The following OSBPL10 variants were observed in gnomAD, a reference collection of about 807,000 sequenced individuals.
OSBPL10 encodes the protein oxysterol-binding protein-related protein 10.
A neutral mutation model predicts 81.7 loss-of-function variants in OSBPL10; 49 were observed. That is an observed-to-expected ratio of 0.60 (90% CI 0.48 to 0.76). OSBPL10 has a LOEUF of 0.76. Ranked by LOEUF, OSBPL10 falls within the 30% of genes least tolerant of loss-of-function variation. The pLI, the probability that OSBPL10 is intolerant of heterozygous loss-of-function variation, is 0.00. For synonymous variants in OSBPL10, 419 were observed against 383.6 expected (o/e 1.09, Z -1.08); for missense variants, 923 against 987.8 (o/e 0.93, Z 0.88).
chr3:31,755,186 A>C (rs1402257898), intron 4 of OSBPL10, among the ~76,000 whole-genome samples: 1 of 152,184 alleles, frequency 6.6e-6, no homozygotes, highest in African/African-American at 2.4e-5. Context: ...CCAGCCTTCC[A>C]GGATGGGAGC....
At chr3:31,680,158 C>T (rs1298352969) in intron 8 of OSBPL10, among the ~76,000 whole-genome samples, 5 of 152,134 alleles carry the variant, frequency 3.3e-5, no homozygotes, top group African/African-American at 7.2e-5. Context: ...GAGGAAATAC[C>T]TCTCGTTCCT....
At chr3:31,981,337 G>A (rs1032047879), upstream of OSBPL10, 7 of 1,216,846 alleles carry the variant, frequency 5.8e-6, no homozygotes, top group Non-Finnish European at 7.2e-6. This position sits in a 1 kb window ranked among gnomAD's most constrained non-coding sequence, Gnocchi z 4.5. Context: ...AGGAGGAGGC[G>A]AAGGAGAGCT....
At chr3:31,914,731 A>G (rs1429175702) in intron 1 of OSBPL10, among the ~76,000 whole-genome samples, 1 of 152,220 alleles carries the variant, frequency 6.6e-6, no homozygotes, top group Non-Finnish European at 1.5e-5. Context: ...AGCCATGTGC[A>G]ACTATTTAAC....
intron 2 of OSBPL10, chr3:31,990,263 G>A (rs770808631): frequency 7.4e-6 from 12 of 1,613,710 alleles, no homozygotes; most frequent in Non-Finnish European, 1.0e-5. Flanking sequence ...CATGGTATAG[G>A]GAAACTTTAT....
chr3:31,875,558 A>T (rs1010102154), intron 3 of OSBPL10, among the ~76,000 whole-genome samples: 3 of 84,606 alleles, frequency 3.5e-5, no homozygotes, highest in Non-Finnish European at 7.8e-5. Flanking sequence ...GTTTCTTTAA[A>T]AAAAAAAAAA....
intron 1 of OSBPL10, among the ~76,000 whole-genome samples, chr3:32,056,917 C>T (rs1206623308): frequency 1.3e-5 from 2 of 152,148 alleles, no homozygotes; most frequent in Non-Finnish European, 2.9e-5. Flanking sequence ...AAACAGGATG[C>T]AGTAAAGAAG....
At chr3:31,762,370 C>G (rs764264576) in intron 4 of OSBPL10, among the ~76,000 whole-genome samples, 10 of 152,156 alleles carry the variant, frequency 6.6e-5, no homozygotes, top group Non-Finnish European at 1.2e-4. Context: ...AGATGTGTGG[C>G]AGGGGCTGAG....
intron 1 of OSBPL10, among the ~76,000 whole-genome samples, chr3:32,069,911 C>T (rs1163523033): frequency 3.3e-5 from 5 of 152,204 alleles, no homozygotes; most frequent in Admixed American, 2.0e-4. Flanking sequence ...TCAGAATGCC[C>T]GCAGCCCAGG....
intron 2 of OSBPL10, among the ~76,000 whole-genome samples, chr3:32,022,789 T>A (rs919830898): frequency 2.6e-5 from 4 of 151,912 alleles, no homozygotes; most frequent in African/African-American, 9.7e-5. Flanking sequence ...AAAAAAAAAT[T>A]CTGATTTGCG....
intron 1 of OSBPL10, among the ~76,000 whole-genome samples, chr3:32,076,515 G>C (rs957678654): frequency 1.3e-5 from 2 of 152,120 alleles, no homozygotes; most frequent in Non-Finnish European, 2.9e-5. Context: ...CAACCTTAAG[G>C]CATCTGGTCA....
chr3:31,965,653 TTATATATTATATATTTTATATAA>T (rs1698342943), intron 1 of OSBPL10, among the ~76,000 whole-genome samples: 1 of 70,420 alleles, frequency 1.4e-5, no homozygotes, highest in African/African-American at 5.9e-5. Flanking sequence ...AAATTATATA[TTATATATTATATATTTTATATAA>T]TATATATTAT....
At chr3:31,939,092 T>A (rs774973567) in intron 1 of OSBPL10, among the ~76,000 whole-genome samples, 5 of 151,508 alleles carry the variant, frequency 3.3e-5, no homozygotes, top group African/African-American at 1.2e-4. Context: ...TGCTCTCTTA[T>A]GCTCTCACAC....
intron 1 of OSBPL10, among the ~76,000 whole-genome samples, chr3:32,062,504 A>G (rs1699757571): frequency 1.1e-5 from 1 of 94,708 alleles, no homozygotes; most frequent in African/African-American, 2.7e-5. Context: ...TTGTATTTTC[A>G]ATCACAATCT....
At chr3:31,942,925 T>A (rs553125076) in intron 1 of OSBPL10, among the ~76,000 whole-genome samples, 1 of 152,364 alleles carries the variant, frequency 6.6e-6, no homozygotes, top group South Asian at 2.1e-4. Flanking sequence ...ACAATTGTTA[T>A]GCAACCATCA....
chr3:31,664,431 A>C, intron 10 of OSBPL10, 199 bp from the exon 11 acceptor site: 1 of 601,998 alleles, frequency 1.7e-6, no homozygotes. Flanking sequence ...TGTTGTTTCT[A>C]CTCTCCGCTT....
chr3:31,937,312 C>A (rs1697404197), intron 1 of OSBPL10, among the ~76,000 whole-genome samples: 1 of 151,512 alleles, frequency 6.6e-6, no homozygotes, highest in Admixed American at 6.6e-5. Flanking sequence ...GTCAGAGGAA[C>A]ATGAAACACT....
At chr3:31,970,318 C>T (rs1427850358) in intron 1 of OSBPL10, among the ~76,000 whole-genome samples, 1 of 152,198 alleles carries the variant, frequency 6.6e-6, no homozygotes, top group Non-Finnish European at 1.5e-5. Flanking sequence ...GGCCAGATTT[C>T]TTCTGTCTCC....
At chr3:32,054,672 C>T (rs781095888) in intron 1 of OSBPL10, among the ~76,000 whole-genome samples, 33 of 151,556 alleles carry the variant, frequency 2.2e-4, no homozygotes, top group South Asian at 4.2e-4. Context: ...GCTGGGATTA[C>T]GGGGGCGGGC....
intron 1 of OSBPL10, among the ~76,000 whole-genome samples, chr3:31,938,245 T>TAC (rs1697436049): frequency 6.6e-6 from 1 of 152,118 alleles, no homozygotes; most frequent in South Asian, 2.1e-4. Context: ...TCCTCCATCC[T>TAC]ACATCAACTG....
Sources: gnomAD v4.1 joint callset for allele counts (sites outside exome capture counted in the v4.1 genomes callset) on GRCh38, gnomAD v4.1.1 for gene constraint, Gnocchi (gnomAD v3.1) non-coding constraint, MANE v1.5 for transcripts, NCBI Gene and HGNC (gene_info 2026-07-23, HGNC 2026-07-21) for gene names.